Variants in DSCAM observed in about 807,000 individuals in gnomAD.
DSCAM encodes the protein cell adhesion molecule DSCAM.
In DSCAM, 47 loss-of-function variants were observed where a neutral mutation model predicts 217.7. The observed-to-expected ratio is 0.22, with a 90% CI of 0.17 to 0.28. The LOEUF (loss-of-function observed/expected upper bound fraction) is 0.28, where lower values mean the gene tolerates loss of function less well. Among genes scored for constraint, DSCAM ranks in the 10% least tolerant of loss-of-function variants. The pLI is 1.00. For synonymous variants in DSCAM, 1,056 were observed against 1,015.3 expected (o/e 1.04, Z -0.76); for missense variants, 2,080 against 2,618.3 (o/e 0.79, Z 4.49).
chr21:40,796,887 G>A (rs73224273), intron 1 of DSCAM, among the ~76,000 whole-genome samples: 6,119 of 152,238 alleles, frequency 0.04, 200 homozygotes, highest in Middle Eastern at 0.068. Flanking sequence ...TTCCAGATTG[G>A]AAAGACAAGA....
chr21:40,734,522 A>T (rs1010496659), intron 1 of DSCAM, among the ~76,000 whole-genome samples: 1 of 152,226 alleles, frequency 6.6e-6, no homozygotes, highest in Non-Finnish European at 1.5e-5. Flanking sequence ...TACACAAAGG[A>T]CAGAAAGGTC....
intron 3 of DSCAM, among the ~76,000 whole-genome samples, chr21:40,642,581 A>AT (rs893925956): frequency 2.6e-5 from 4 of 152,004 alleles, no homozygotes; most frequent in South Asian, 2.1e-4. Flanking sequence ...TTCTATTTTC[A>AT]TTTTTTTAAA....
chr21:40,051,812 T>C, intron 30 of DSCAM, 146 bp downstream of exon 30: 1 of 966,596 alleles, frequency 1.0e-6, no homozygotes, highest in Non-Finnish European at 1.5e-6. Flanking sequence ...AACAGCTCAT[T>C]ATCCCAATTA....
intron 1 of DSCAM, among the ~76,000 whole-genome samples, chr21:40,712,883 G>GA (rs1472772417): frequency 3.3e-5 from 5 of 152,140 alleles, no homozygotes; most frequent in African/African-American, 1.2e-4. Flanking sequence ...GATATAGAGA[G>GA]ATGCTTACAA....
chr21:40,494,386 T>G (rs1344655237), intron 3 of DSCAM, among the ~76,000 whole-genome samples: 2 of 152,084 alleles, frequency 1.3e-5, no homozygotes, highest in African/African-American at 4.8e-5. Context: ...TGAAATCACA[T>G]CAGGTATCTT....
chr21:40,484,172 T>G (rs1003818197), intron 3 of DSCAM, among the ~76,000 whole-genome samples: 1 of 152,170 alleles, frequency 6.6e-6, no homozygotes, highest in African/African-American at 2.4e-5. Context: ...GATTTATGGG[T>G]CTGTCCAGAG....
chr21:40,598,595 C>T (rs1334064942), intron 3 of DSCAM, among the ~76,000 whole-genome samples: 1 of 149,350 alleles, frequency 6.7e-6, no homozygotes, highest in African/African-American at 2.5e-5. Flanking sequence ...ACCTCCGCCT[C>T]CTGGGTTCAA....
At chr21:40,067,137 C>A (rs2089217467) in intron 27 of DSCAM, among the ~76,000 whole-genome samples, 1 of 152,286 alleles carries the variant, frequency 6.6e-6, no homozygotes, top group South Asian at 2.1e-4. Flanking sequence ...CTATCTAACA[C>A]AGAGCTTATT....
chr21:40,452,524 A>G (rs2075728966), intron 3 of DSCAM, among the ~76,000 whole-genome samples: 1 of 152,108 alleles, frequency 6.6e-6, no homozygotes, highest in Non-Finnish European at 1.5e-5. Flanking sequence ...AGTTACTCTA[A>G]TAACTTATTA....
chr21:40,403,463 T>C (rs2123781013), intron 3 of DSCAM, among the ~76,000 whole-genome samples: 1 of 152,132 alleles, frequency 6.6e-6, no homozygotes, highest in South Asian at 2.1e-4. Flanking sequence ...TTACAAAGAA[T>C]AAATTAAAGA....
At chr21:40,756,983 G>A (rs1462842869) in intron 1 of DSCAM, among the ~76,000 whole-genome samples, 2 of 151,654 alleles carry the variant, frequency 1.3e-5, no homozygotes, top group Non-Finnish European at 2.9e-5. Flanking sequence ...GGTCGTGTGT[G>A]TGTGTGTGTG....
chr21:40,242,610 C>A (rs1221316803), intron 11 of DSCAM, among the ~76,000 whole-genome samples: 1 of 152,144 alleles, frequency 6.6e-6, no homozygotes, highest in Non-Finnish European at 1.5e-5. Flanking sequence ...GAGTTGTGAG[C>A]AGAAGTGCCA....
intron 3 of DSCAM, among the ~76,000 whole-genome samples, chr21:40,677,556 T>C (rs1024088295): frequency 2.0e-5 from 3 of 152,064 alleles, no homozygotes; most frequent in African/African-American, 7.2e-5. Flanking sequence ...CCCCAAAAAG[T>C]CAAGAAACAT....
intron 3 of DSCAM, among the ~76,000 whole-genome samples, chr21:40,451,946 T>C (rs1191857609): frequency 2.0e-5 from 3 of 152,142 alleles, no homozygotes; most frequent in Non-Finnish European, 4.4e-5. Flanking sequence ...TCACTGTGGA[T>C]ACTGGTTATG....
rs377081827 is a variant in DSCAM at position 40,471,177 on chromosome 21, A to G, written c.509-101932T>C. ...AACTTCAAGCAGTTAGCTGCAAATT[A>G]TCTCATCAACTCGAGCACTTTACTT... On this transcript the variant is annotated intron_variant, in intron 3 of 32. Transcript: ENST00000400454. Among the ~76,000 whole-genome samples, 7 of 152,316 alleles carry G rather than the reference A, an allele frequency of 4.6e-5. 1 individual carries two copies. The East Asian group carries it at 9.7e-4, about 21-fold the overall frequency.
chr21:40,173,808 C>T (rs537009762), intron 15 of DSCAM, among the ~76,000 whole-genome samples: 286 of 152,302 alleles, frequency 1.9e-3, no homozygotes, highest in African/African-American at 6.7e-3. Flanking sequence ...ATTGGAAACC[C>T]AGTGACTCTG....
chr21:40,786,857 T>C (rs2091598380), intron 1 of DSCAM, among the ~76,000 whole-genome samples: 1 of 152,214 alleles, frequency 6.6e-6, no homozygotes, highest in South Asian at 2.1e-4. Context: ...TGTTTAATCA[T>C]CAGTCAGTCC....
At chr21:40,583,863 G>A (rs975733547) in intron 3 of DSCAM, among the ~76,000 whole-genome samples, 1 of 146,236 alleles carries the variant, frequency 6.8e-6, no homozygotes, top group Admixed American at 7.0e-5. Flanking sequence ...CTTCCACTCG[G>A]TTTTGCTGTG....
chr21:40,325,799 T>C (rs915645970), intron 8 of DSCAM, among the ~76,000 whole-genome samples: 4 of 152,214 alleles, frequency 2.6e-5, no homozygotes, highest in African/African-American at 4.8e-5. Context: ...GGACCTCTAA[T>C]GCATAGCTGG....
Sources: allele counts gnomAD v4.1 joint callset (sites outside exome capture counted in the v4.1 genomes callset), GRCh38; gene constraint gnomAD v4.1.1; transcripts MANE v1.5; gene names NCBI Gene and HGNC (gene_info 2026-07-23, HGNC 2026-07-21).